Variants in FAM8A1 observed in about 807,000 individuals in gnomAD.
The protein encoded by FAM8A1 is family with sequence similarity 8 member A1, also known as protein FAM8A1.
Under a neutral mutation model 38.3 loss-of-function variants are expected in FAM8A1, and 18 were observed. The observed-to-expected ratio is 0.47, with a 90% CI of 0.33 to 0.70. FAM8A1 has a LOEUF of 0.70. Ranked by LOEUF, FAM8A1 falls within the 30% of genes least tolerant of loss-of-function variation. The pLI is 0.03. For missense variants in FAM8A1, 559 were observed against 559.6 expected (o/e 1.00, Z 0.01); for synonymous variants, 246 against 234.4 (o/e 1.05, Z -0.45).
chr6:17,602,579 T>A lies in FAM8A1; in HGVS notation c.713-11T>A, dbSNP rs373468511. 14 of 1,532,166 alleles carry A rather than the reference T, an allele frequency of 9.1e-6. No homozygotes were observed. In the African/African-American group the frequency reaches 1.8e-4, roughly 20 times the overall value. 94.9% of individuals were successfully genotyped at this position (1,532,166 alleles called of 1,614,324 possible). ...CGTTTTTCCTAACTTTTTTTTTTTTTTAATTTACAGGCAGAGAATATGTTA... is the reference window on the plus strand; with the variant it reads ...CGTTTTTCCTAACTTTTTTTTTTTTATAATTTACAGGCAGAGAATATGTTA... On this transcript the variant is annotated splice_polypyrimidine_tract_variant and intron_variant, in intron 1 of 4. Transcript: ENST00000259963.
intron 3 of FAM8A1, 126 bp downstream of exon 3, chr6:17,605,155 A>G: frequency 2.7e-6 from 2 of 743,402 alleles, no homozygotes; most frequent in Non-Finnish European, 4.0e-6. Context: ...ATCTTGGCTC[A>G]CTGCAACCTC....
chr6:17,603,149 G>A (rs1764009185), intron 2 of FAM8A1, among the ~76,000 whole-genome samples: 1 of 152,206 alleles, frequency 6.6e-6, no homozygotes, highest in Non-Finnish European at 1.5e-5. Context: ...TGTGGGGCAA[G>A]TCCCAAGTGA....
Position 17,600,884 on chromosome 6 carries a change from C to T in FAM8A1, c.475C>T (p.Pro159Ser), listed in dbSNP as rs1763974442. 5 of 1,600,150 alleles carry T rather than the reference C, an allele frequency of 3.1e-6. No individual in the cohort carries two copies. Among genetic ancestry groups the T allele is most frequent in the Non-Finnish European group, 4.3e-6 (5 of 1,176,006 alleles). Reference protein sequence around the residue: ...QSFPSGGAAVPQAAAPPPPQL... With the variant: ...QSFPSGGAAVSQAAAPPPPQL... Reference sequence around the variant, plus strand: ...CTTCCCTTCGGGCGGCGCTGCAGTCCCCCAGGCCGCGGCGCCGCCGCCCCC... The same window carrying T: ...CTTCCCTTCGGGCGGCGCTGCAGTCTCCCAGGCCGCGGCGCCGCCGCCCCC... Residue 159 changes from proline (P) to serine (S), a missense_variant, in exon 1 of 5, where the codon CCC (proline) becomes TCC (serine). Coordinates refer to ENST00000259963, the MANE Select transcript of FAM8A1 (RefSeq NM_016255.3).
chr6:17,603,773 A>G (rs2113745529), intron 2 of FAM8A1, among the ~76,000 whole-genome samples: 1 of 152,082 alleles, frequency 6.6e-6, no homozygotes, highest in African/African-American at 2.4e-5. Flanking sequence ...TTTTGTAGAG[A>G]TGGGGTCTCC....
At chr6:17,604,698 T>C (rs1764028515) in intron 2 of FAM8A1, among the ~76,000 whole-genome samples, 1 of 152,018 alleles carries the variant, frequency 6.6e-6, no homozygotes, top group Non-Finnish European at 1.5e-5. Flanking sequence ...CACCCTTATT[T>C]CCCCCGTGCT....
intron 4 of FAM8A1, among the ~76,000 whole-genome samples, chr6:17,607,466 CTCTATCTATATACTATAGGTAGTA>C (rs1169847777): frequency 5.2e-5 from 1 of 19,072 alleles, no homozygotes; most frequent in East Asian, 4.3e-3. Context: ...TATAGGTAGT[CTCTATCTATATACTATAGGTAGTA>C]TCTATATACT....
intron 3 of FAM8A1, 44 bp from the exon 4 acceptor site, chr6:17,605,830 G>A (rs558616223): frequency 3.4e-6 from 5 of 1,458,524 alleles, no homozygotes; most frequent in Admixed American, 2.4e-5. Context: ...TTTAAAATTG[G>A]TATAGTTGAG....
Position 17,600,954 on chromosome 6 carries a change from C to A in FAM8A1, c.545C>A (p.Ala182Asp). 1 of 1,592,660 alleles carries A rather than the reference C, an allele frequency of 6.3e-7. No individual in the cohort carries two copies. Among genetic ancestry groups the A allele is most frequent in the South Asian group, 1.1e-5 (1 of 89,548 alleles). Residue 182 changes from alanine to aspartate, a missense_variant, in exon 1 of 5, where the codon GCC becomes GAC. This residue lies in a region of FAM8A1 where 393 missense variants were observed against 338.9 expected (regional missense o/e 1.16). Transcript: ENST00000259963. ...YNPFYFLSPG[A>D]AGPDPRTAAG... ...CCCTTCTACTTCCTGAGCCCCGGGGCCGCGGGGCCTGACCCGCGGACAGCT... is the reference window on the plus strand; with the variant it reads ...CCCTTCTACTTCCTGAGCCCCGGGGACGCGGGGCCTGACCCGCGGACAGCT...
Position 17,608,443 on chromosome 6 carries a change from C to A in FAM8A1, c.*104C>A. 1.5e-6 allele frequency: 2 copies of A among 1,339,944 alleles called. No homozygotes were observed. The highest frequency in any genetic ancestry group is 2.0e-6 in the Non-Finnish European group (2 of 989,924). The allele number at this position is 1,339,944 out of a possible 1,614,324, so 83.0% of individuals were successfully genotyped here. A position where few individuals can be genotyped will look rare whatever the true frequency, so the allele number is the denominator to read the frequency against. ...TTGATGATTTAGAAATTAAAGCAGT[C>A]ACTCCAGTGTGATGCAGGTGACTAC... On this transcript the variant is annotated 3_prime_UTR_variant, in exon 5 of 5. Transcript: ENST00000259963.
Position 17,601,124 on chromosome 6 carries a change from G to T in FAM8A1, c.712+3G>T. On this transcript the variant is annotated splice_donor_region_variant and intron_variant, in intron 1 of 4. Coordinates refer to ENST00000259963, the MANE Select transcript of FAM8A1 (RefSeq NM_016255.3). ...GAGCGAGACCGGGCGACAGGCAGGT[G>T]AGAAGCGCGAGGTGGAGGCTGGGCG... is the stretch of plus-strand genomic sequence containing the variant. The T allele has an allele frequency of 6.3e-7, 1 of 1,584,794 alleles. No individual in the cohort carries two copies. Among genetic ancestry groups the T allele is most frequent in the East Asian group, 2.3e-5 (1 of 44,054 alleles).
Position 17,600,479 on chromosome 6 carries a change from C to A in FAM8A1, c.70C>A (p.Pro24Thr), listed in dbSNP as rs777077083. ...GQDDGGGDHE[P>T]VPSLRGPPTT... Reference sequence around the variant, plus strand: ...GGACGATGGCGGAGGGGACCACGAGCCCGTCCCTTCCCTGAGAGGCCCTCC... The same window carrying A: ...GGACGATGGCGGAGGGGACCACGAGACCGTCCCTTCCCTGAGAGGCCCTCC... The change falls in exon 1 of 5, where the codon CCC becomes ACC. Residue 24 changes from proline (P) to threonine (T), a missense_variant. Pro to Thr is a conservative substitution (Grantham distance 38). This residue lies in a region of FAM8A1 where 393 missense variants were observed against 338.9 expected (regional missense o/e 1.16). Transcript: ENST00000259963. 5 of 1,519,894 alleles carry A rather than the reference C, an allele frequency of 3.3e-6. No homozygotes were observed. The South Asian group carries it at 3.7e-5, about 11-fold the overall frequency. 94.2% of individuals were successfully genotyped at this position (1,519,894 alleles called of 1,614,324 possible).
At chr6:17,606,197 ATTTT>A (rs112417120) in intron 4 of FAM8A1, among the ~76,000 whole-genome samples, 184 bp downstream of exon 4, 1 of 131,458 alleles carries the variant, frequency 7.6e-6, no homozygotes, top group African/African-American at 3.0e-5. Flanking sequence ...TTTCAAGATG[ATTTT>A]TTTTTTTTTT....
Position 17,600,578 on chromosome 6 carries a change from G to A in FAM8A1, c.169G>A (p.Gly57Ser). ...PQAPGRPTAP[G>S]LAAAAAADKL... ...GGCCCCGGGCCGGCCCACAGCCCCG[G>A]GCCTCGCGGCTGCCGCCGCAGCCGA... is the stretch of plus-strand genomic sequence containing the variant. The change falls in exon 1 of 5, where the codon GGC becomes AGC. Residue 57 changes from glycine to serine, a missense_variant. Physicochemically the swap from Gly to Ser is moderately conservative, Grantham distance 56 (BLOSUM62 0). Transcript: ENST00000259963. 3 of 1,493,870 alleles carry A rather than the reference G, an allele frequency of 2.0e-6. No homozygotes were observed. Among genetic ancestry groups the A allele is most frequent in the African/African-American group, 3.0e-5 (2 of 67,554 alleles). The allele number at this position is 1,493,870 out of a possible 1,614,324, so 92.5% of individuals were successfully genotyped here. A position where few individuals can be genotyped will look rare whatever the true frequency, so the allele number is the denominator to read the frequency against.
At chr6:17,607,444 A>G (rs944346402) in intron 4 of FAM8A1, among the ~76,000 whole-genome samples, 5 of 60,194 alleles carry the variant, frequency 8.3e-5, no homozygotes, top group African/African-American at 2.1e-4. Context: ...TATCTATAGT[A>G]TCATAAGATA....
intron 4 of FAM8A1, among the ~76,000 whole-genome samples, chr6:17,606,998 C>T (rs749999702): frequency 6.6e-6 from 1 of 152,234 alleles, no homozygotes; most frequent in South Asian, 2.1e-4. Context: ...CAGTGGCTCA[C>T]GCCTGTAATC....
At chr6:17,605,582 T>C (rs1764041894) in intron 3 of FAM8A1, among the ~76,000 whole-genome samples, 1 of 152,310 alleles carries the variant, frequency 6.6e-6, no homozygotes, top group East Asian at 1.9e-4. Flanking sequence ...ATTTCACTTA[T>C]AGATTGTGGT....
rs1764100096 is a variant in FAM8A1, at chr6:17,609,145, C to T, written c.*806C>T. ...ATTTATGTGCAAGTGTTTTCAGTGCCCTGAATCAAACTATAAATGTGGGGA... is the reference window on the plus strand; with the variant it reads ...ATTTATGTGCAAGTGTTTTCAGTGCTCTGAATCAAACTATAAATGTGGGGA... On this transcript the variant is annotated 3_prime_UTR_variant, in exon 5 of 5. Coordinates refer to ENST00000259963, the MANE Select transcript of FAM8A1 (RefSeq NM_016255.3). 1 of 151,654 alleles carries T rather than the reference C, an allele frequency of 6.6e-6. No individual in the cohort carries two copies. Among genetic ancestry groups the T allele is most frequent in the Admixed American group, 6.6e-5 (1 of 15,218 alleles). 9.4% of individuals were successfully genotyped at this position (151,654 alleles called of 1,614,324 possible).
Position 17,600,360 on chromosome 6 carries a change from A to T in FAM8A1, c.-50A>T, listed in dbSNP as rs918909216. ...GCTGTTGGGGAGGGGCCATTGGGGG[A>T]GGGAAACGGAGCAGTGACAGGTATC... is the stretch of plus-strand genomic sequence containing the variant. On this transcript the variant is annotated 5_prime_UTR_variant, in exon 1 of 5. Transcript: ENST00000259963. 5 of 1,332,576 alleles carry T rather than the reference A, an allele frequency of 3.8e-6. No homozygotes were observed. In the African/African-American group the frequency reaches 7.7e-5, roughly 21 times the overall value. 82.5% of individuals were successfully genotyped at this position (1,332,576 alleles called of 1,614,324 possible).
At chr6:17,602,788 C>G (rs1318590527) in intron 2 of FAM8A1, 78 bp downstream of exon 2, 20 of 1,417,524 alleles carry the variant, frequency 1.4e-5, no homozygotes, top group Non-Finnish European at 1.9e-5. Context: ...TGTTTGTCTA[C>G]ACGTGACTAT....
Sources: gnomAD v4.1 joint callset for allele counts (sites outside exome capture counted in the v4.1 genomes callset) on GRCh38, gnomAD v4.1.1 for gene constraint, gnomAD v4.1.1 regional missense constraint, MANE v1.5 for transcripts, NCBI Gene and HGNC (gene_info 2026-07-23, HGNC 2026-07-21) for gene names.